The following SHISA9 variants were observed in gnomAD, a reference collection of about 807,000 sequenced individuals.
SHISA9 encodes shisa family member 9, also known as protein shisa-9.
Under a neutral mutation model 38.0 loss-of-function variants are expected in SHISA9, and 13 were observed. The ratio of observed to expected loss-of-function variants is 0.34; its 90% CI spans 0.22 to 0.54. SHISA9 has a LOEUF of 0.54. SHISA9 is among the 20% of genes least tolerant of loss of function. The pLI is 0.91. For synonymous variants in SHISA9, 275 were observed against 242.0 expected, an observed-to-expected ratio of 1.14 and a Z score of -1.27; for missense variants, 538 against 575.8, an observed-to-expected ratio of 0.93 and a Z score of 0.67.
chr16:13,104,901 A>G (rs759529955), intron 2 of SHISA9, among the ~76,000 whole-genome samples: 4 of 152,190 alleles, frequency 2.6e-5, no homozygotes, highest in Non-Finnish European at 2.9e-5. Context: ...AGATTCTGAC[A>G]GACCTTAATT....
intron 2 of SHISA9, among the ~76,000 whole-genome samples, chr16:12,939,272 C>A (rs1189099000): frequency 6.6e-6 from 1 of 151,884 alleles, no homozygotes; most frequent in South Asian, 2.1e-4. Flanking sequence ...TTAGTAGAGA[C>A]GGGGTTTCAC....
At chr16:13,493,974 G>A in the SHISA9 span, among the ~76,000 whole-genome samples, 1 of 151,872 alleles carries the variant, frequency 6.6e-6, no homozygotes, top group Non-Finnish European at 1.5e-5. Flanking sequence ...CTCTGGTCTG[G>A]AGATTCTGAT....
chr16:13,463,310 G>C, the SHISA9 span, among the ~76,000 whole-genome samples: 3 of 152,180 alleles, frequency 2.0e-5, no homozygotes, highest in African/African-American at 7.2e-5. Flanking sequence ...CTAAGTAGCA[G>C]GTGTGGAGAG....
At chr16:13,405,685 C>G in the SHISA9 span, among the ~76,000 whole-genome samples, 1 of 152,036 alleles carries the variant, frequency 6.6e-6, no homozygotes, top group East Asian at 1.9e-4. Flanking sequence ...CCATGAGTAC[C>G]TAATGTTTTG....
intron 2 of SHISA9, among the ~76,000 whole-genome samples, chr16:13,107,226 G>A (rs534449573): frequency 7.2e-5 from 11 of 152,058 alleles, no homozygotes; most frequent in Admixed American, 1.3e-4. Flanking sequence ...GAGGTCAGTA[G>A]TTCAAGACCA....
intron 2 of SHISA9, among the ~76,000 whole-genome samples, chr16:13,175,575 A>T (rs2142025399): frequency 6.6e-6 from 1 of 152,220 alleles, no homozygotes; most frequent in African/African-American, 2.4e-5. Context: ...GGCCAGGAAG[A>T]AGGTGAAGGT....
the SHISA9 span, among the ~76,000 whole-genome samples, chr16:13,549,508 T>C: frequency 6.6e-6 from 1 of 152,006 alleles, no homozygotes; most frequent in East Asian, 1.9e-4. Context: ...AGAGTGTAAG[T>C]GTAAGATCTT....
intron 2 of SHISA9, among the ~76,000 whole-genome samples, chr16:12,990,913 C>T (rs1413339777): frequency 6.6e-6 from 1 of 152,186 alleles, no homozygotes; most frequent in Non-Finnish European, 1.5e-5. Flanking sequence ...AGGGGAATTA[C>T]TAACTCAAAG....
At chr16:13,415,080 G>C in the SHISA9 span, among the ~76,000 whole-genome samples, 1 of 152,124 alleles carries the variant, frequency 6.6e-6, no homozygotes, top group South Asian at 2.1e-4. Flanking sequence ...CCAAAACTCA[G>C]GATTGCCACA....
intron 2 of SHISA9, among the ~76,000 whole-genome samples, chr16:12,962,621 A>G (rs990239217): frequency 5.9e-5 from 9 of 152,218 alleles, no homozygotes; most frequent in Admixed American, 1.3e-4. Flanking sequence ...TGTCATCTGC[A>G]AAACAGGAGG....
chr16:13,411,046 C>G, the SHISA9 span, among the ~76,000 whole-genome samples: 1 of 152,122 alleles, frequency 6.6e-6, no homozygotes, highest in Non-Finnish European at 1.5e-5. Context: ...GTGATTCATA[C>G]TAATGGAATT....
intron 2 of SHISA9, among the ~76,000 whole-genome samples, chr16:13,111,709 T>A (rs763670533): frequency 6.6e-6 from 1 of 152,252 alleles, no homozygotes; most frequent in East Asian, 1.9e-4. Flanking sequence ...CTATTCCAGG[T>A]AACCTCAAGC....
the SHISA9 span, among the ~76,000 whole-genome samples, chr16:13,493,356 AT>A: frequency 2.6e-5 from 4 of 152,172 alleles, no homozygotes; most frequent in Non-Finnish European, 5.9e-5. Flanking sequence ...TGTTAAAATA[AT>A]TTCAAACCAC....
At chr16:13,444,600 G>A in the SHISA9 span, among the ~76,000 whole-genome samples, 1 of 152,000 alleles carries the variant, frequency 6.6e-6, no homozygotes, top group Admixed American at 6.6e-5. Flanking sequence ...CACTATGTGT[G>A]AGCAACACCA....
the SHISA9 span, among the ~76,000 whole-genome samples, chr16:13,417,777 C>G: frequency 6.6e-6 from 1 of 152,194 alleles, no homozygotes; most frequent in Non-Finnish European, 1.5e-5. Context: ...ACTGTAGCTT[C>G]CCTAAGTGGA....
At chr16:13,112,257 G>T (rs888189833) in intron 2 of SHISA9, among the ~76,000 whole-genome samples, 2 of 151,848 alleles carry the variant, frequency 1.3e-5, no homozygotes, top group African/African-American at 4.8e-5. Flanking sequence ...GTTAATAAGA[G>T]AAATTCAATG....
At chr16:13,187,310 CTTCTT>C (rs1190991785) in intron 2 of SHISA9, among the ~76,000 whole-genome samples, 7 of 113,886 alleles carry the variant, frequency 6.1e-5, no homozygotes, top group African/African-American at 1.8e-4. Context: ...ACAGAGAAGG[CTTCTT>C]TTCTTTTCTT....
chr16:13,208,248 T>C (rs983489671), intron 3 of SHISA9, among the ~76,000 whole-genome samples: 55 of 152,118 alleles, frequency 3.6e-4, no homozygotes, highest in African/African-American at 1.3e-3. Flanking sequence ...GCCTTAAACA[T>C]GTGCCATTCA....
the SHISA9 span, among the ~76,000 whole-genome samples, chr16:13,334,256 C>T: frequency 1.3e-5 from 2 of 152,168 alleles, no homozygotes; most frequent in Non-Finnish European, 2.9e-5. Flanking sequence ...GAAGAACATA[C>T]CTCTTAGTGG....
Sources: allele counts gnomAD v4.1 joint callset (sites outside exome capture counted in the v4.1 genomes callset), GRCh38; gene constraint gnomAD v4.1.1; transcripts MANE v1.5; gene names NCBI Gene and HGNC (gene_info 2026-07-23, HGNC 2026-07-21).